The following TEX14 variants were observed in gnomAD, a reference collection of about 807,000 sequenced individuals.
TEX14 encodes the protein testis expressed 14, intercellular bridge forming factor.
A neutral mutation model predicts 178.6 loss-of-function variants in TEX14; 168 were observed. That is an observed-to-expected ratio of 0.94 (90% CI 0.83 to 1.07). The LOEUF is 1.07. Among genes scored for constraint, TEX14 ranks in the 50% least tolerant of loss-of-function variants. TEX14 has a pLI of 0.00. For missense variants in TEX14, 1,730 were observed against 1,753.6 expected (o/e 0.99, Z 0.24); for synonymous variants, 626 against 634.1 (o/e 0.99, Z 0.19).
intron 2 of TEX14, among the ~76,000 whole-genome samples, chr17:58,639,192 A>G (rs1310947793): frequency 6.6e-6 from 1 of 151,916 alleles, no homozygotes; most frequent in African/African-American, 2.4e-5. Flanking sequence ...GAAGTAACTC[A>G]GGAATGGAAA....
intron 1 of TEX14, among the ~76,000 whole-genome samples, chr17:58,654,466 AAT>A (rs1190695177): frequency 6.7e-6 from 1 of 150,074 alleles, no homozygotes; most frequent in East Asian, 1.9e-4. Context: ...ATGGACCTTG[AAT>A]GTATAGAAGC....
Position 58,570,385 on chromosome 17 carries a change from C to A in TEX14, c.3817G>T (p.Val1273Leu). 2.7e-6 allele frequency: 4 copies of A among 1,507,774 alleles called. No homozygotes were observed. The highest frequency in any genetic ancestry group is 3.5e-6 in the Non-Finnish European group (4 of 1,140,052). The allele number at this position is 1,507,774 out of a possible 1,614,324, so 93.4% of individuals were successfully genotyped here. A position where few individuals can be genotyped will look rare whatever the true frequency, so the allele number is the denominator to read the frequency against. ...HATQRRSLPK[V>L]EAFSQHHIDE... is the part of the protein sequence containing the mutation. ...TATTTTGATATTAAACACAGGGTACCTTTAGGCAGGCTCCTTCTCTGGGTG... is the reference window on the plus strand; with the variant it reads ...TATTTTGATATTAAACACAGGGTACATTTAGGCAGGCTCCTTCTCTGGGTG... The change falls in exon 25 of 32, where the codon GTA becomes TTA. Residue 1273 changes from valine (V) to leucine (L), a missense_variant and splice_region_variant. Around this residue, in one of 2 missense-constraint regions of TEX14, gnomAD observed 941 missense variants for 1,072.4 expected, o/e 0.88. Coordinates refer to ENST00000349033, the MANE Select transcript of TEX14 (RefSeq NM_031272.5).
chr17:58,584,892 T>C (rs1032495337), intron 18 of TEX14, among the ~76,000 whole-genome samples: 9 of 152,216 alleles, frequency 5.9e-5, no homozygotes, highest in Non-Finnish European at 1.0e-4. Flanking sequence ...ATGACAAGTT[T>C]AGATGTATCT....
At chr17:58,557,081 A>G (rs375038129) in intron 31 of TEX14, 34 bp from the exon 32 acceptor site, 50 of 1,586,298 alleles carry the variant, frequency 3.2e-5, no homozygotes, top group Non-Finnish European at 4.2e-5. Flanking sequence ...CAAAAAAGGA[A>G]GTTTCGAGTT....
intron 1 of TEX14, among the ~76,000 whole-genome samples, chr17:58,686,761 C>T (rs2047601616): frequency 6.6e-6 from 1 of 151,914 alleles, no homozygotes; most frequent in South Asian, 2.1e-4. Flanking sequence ...ATCATAACCA[C>T]CTCTAAAGCT....
intron 19 of TEX14, chr17:58,581,672 A>C (rs755849103): frequency 1.9e-6 from 3 of 1,613,760 alleles, no homozygotes; most frequent in Non-Finnish European, 2.5e-6. Flanking sequence ...TGGAGTTAAA[A>C]ATTCATCTGT....
intron 1 of TEX14, among the ~76,000 whole-genome samples, chr17:58,687,746 A>G (rs1016784459): frequency 1.3e-5 from 2 of 152,222 alleles, no homozygotes; most frequent in African/African-American, 4.8e-5. Context: ...GAAACAGCCT[A>G]GTCAACCTGA....
intron 1 of TEX14, among the ~76,000 whole-genome samples, chr17:58,676,045 G>C (rs573692054): frequency 6.6e-6 from 1 of 152,218 alleles, no homozygotes; most frequent in South Asian, 2.1e-4. Flanking sequence ...TTCGAGACCA[G>C]CCTGACCAAC....
intron 10 of TEX14, among the ~76,000 whole-genome samples, chr17:58,607,471 G>A (rs2045636292): frequency 6.7e-6 from 1 of 148,332 alleles, no homozygotes; most frequent in African/African-American, 2.5e-5. Context: ...AATCCATCCT[G>A]CCCCTGTATC....
chr17:58,584,501 C>T lies in TEX14; in HGVS notation c.3170G>A (p.Ser1057Asn). Residue 1057 changes from serine to asparagine, a missense_variant and splice_region_variant, in exon 19 of 32, where the codon AGT becomes AAT. Ser to Asn is a conservative substitution (Grantham distance 46). This residue lies in a region of TEX14 where 941 missense variants were observed against 1,072.4 expected (regional missense o/e 0.88). Transcript: ENST00000349033. Reference sequence around the variant, plus strand: ...GGCTTTCCAGGCAGTATTACTTACACTGTAAGATTTCTCTACAGCCACCAA... The same window carrying T: ...GGCTTTCCAGGCAGTATTACTTACATTGTAAGATTTCTCTACAGCCACCAA... ...DTLVAVEKSY[S>N]TSSPIEEDFE... 2 of 1,611,368 alleles carry T rather than the reference C, an allele frequency of 1.2e-6. No homozygotes were observed. The highest frequency in any genetic ancestry group is 1.7e-6 in the Non-Finnish European group (2 of 1,177,512).
rs534245343 is a variant in TEX14, at chr17:58,603,769, G to A, written c.1337-1179C>T. On this transcript the variant is annotated intron_variant, in intron 11 of 31. Coordinates refer to ENST00000349033, the MANE Select transcript of TEX14 (RefSeq NM_031272.5). ...CTTGGGAGGCTGAGGCAGGAGAATC[G>A]CTTGAACCCGGGAGGCAGAAGTTGC... Among the ~76,000 whole-genome samples, 5 of 147,510 alleles carry A rather than the reference G, an allele frequency of 3.4e-5. No individual in the cohort carries two copies. In the East Asian group the frequency reaches 6.2e-4, roughly 18 times the overall value.
At chr17:58,563,438 A>G (rs1344393293) in intron 28 of TEX14, among the ~76,000 whole-genome samples, 1 of 151,704 alleles carries the variant, frequency 6.6e-6, no homozygotes, top group Non-Finnish European at 1.5e-5. Flanking sequence ...AAAAATAAAC[A>G]AACAAAACCC....
intron 10 of TEX14, among the ~76,000 whole-genome samples, chr17:58,608,605 T>C (rs2045671170): frequency 6.6e-6 from 1 of 152,212 alleles, no homozygotes; most frequent in Admixed American, 6.5e-5. Flanking sequence ...ACTGAGCACT[T>C]ACCATAAGTG....
At chr17:58,590,014 G>A (rs996455523) in intron 15 of TEX14, among the ~76,000 whole-genome samples, 7 of 152,160 alleles carry the variant, frequency 4.6e-5, no homozygotes. Context: ...TGTAATCCCA[G>A]CACTTTGGGA....
intron 10 of TEX14, among the ~76,000 whole-genome samples, chr17:58,607,095 C>T (rs910406261): frequency 1.3e-5 from 2 of 150,902 alleles, no homozygotes; most frequent in African/African-American, 4.9e-5. Context: ...AGATGGAATG[C>T]TATCCTTGAC....
chr17:58,558,704 A>G (rs1362832525), intron 30 of TEX14, among the ~76,000 whole-genome samples: 1 of 152,184 alleles, frequency 6.6e-6, no homozygotes, highest in Non-Finnish European at 1.5e-5. Flanking sequence ...TGTAAAGGGC[A>G]TATCAGAAGC....
At position 58,601,786 on chromosome 17, in the gene TEX14, C is replaced by T; in HGVS notation, c.1678+20G>A. 1.9e-6 allele frequency: 3 copies of T among 1,606,796 alleles called. No homozygotes were observed. Among genetic ancestry groups the T allele is most frequent in the Non-Finnish European group, 2.6e-6 (3 of 1,175,906 alleles). ...ACACATTTGTGTCAAACTAACACAA[C>T]CTGTGAATTAAGGCCATACCCATTT... On this transcript the variant is annotated intron_variant, in intron 13 of 31. Transcript: ENST00000349033.
intron 15 of TEX14, among the ~76,000 whole-genome samples, chr17:58,592,565 A>C (rs2045177198): frequency 6.6e-6 from 1 of 151,178 alleles, no homozygotes; most frequent in Non-Finnish European, 1.5e-5. Flanking sequence ...CGATCTCCTG[A>C]CCTCGTGATC....
chr17:58,583,450 AG>A (rs1406725850), intron 19 of TEX14, among the ~76,000 whole-genome samples: 1 of 152,082 alleles, frequency 6.6e-6, no homozygotes, highest in Non-Finnish European at 1.5e-5. Flanking sequence ...ATTTTTTTGT[AG>A]GCAGGGTCAT....
Sources: allele counts gnomAD v4.1 joint callset (sites outside exome capture counted in the v4.1 genomes callset), GRCh38; gene constraint gnomAD v4.1.1; regional missense constraint gnomAD v4.1.1; transcripts MANE v1.5; gene names NCBI Gene and HGNC (gene_info 2026-07-23, HGNC 2026-07-21).